The following DHRS2 variants were observed in gnomAD, a reference collection of about 807,000 sequenced individuals.
DHRS2 encodes dehydrogenase/reductase SDR family member 2, mitochondrial.
DHRS2 carries 29 observed loss-of-function variants against 26.3 expected under a neutral mutation model. The observed-to-expected ratio is 1.10, with a 90% CI of 0.82 to 1.50. The LOEUF (loss-of-function observed/expected upper bound fraction) is 1.50. Ranked by LOEUF, DHRS2 falls within the 40% of genes most tolerant of loss-of-function variation. The pLI is 0.00. For synonymous variants in DHRS2, 164 were observed against 151.3 expected (o/e 1.08, Z -0.62); for missense variants, 439 against 367.1 (o/e 1.20, Z -1.60).
chr14:23,637,011 G>A (rs995344464), intron 1 of DHRS2, among the ~76,000 whole-genome samples: 1 of 152,144 alleles, frequency 6.6e-6, no homozygotes, highest in Admixed American at 6.5e-5. Flanking sequence ...GGGCTGAGCT[G>A]AGGGTCAACA....
At chr14:23,641,454 T>C in intron 4 of DHRS2, 1 of 444,018 alleles carries the variant, frequency 2.3e-6, no homozygotes, top group South Asian at 2.1e-5. Flanking sequence ...TCTCTCTTAC[T>C]TTCTAATGGG....
intron 1 of DHRS2, among the ~76,000 whole-genome samples, chr14:23,637,713 C>T (rs927467072): frequency 6.6e-6 from 1 of 152,168 alleles, no homozygotes; most frequent in Non-Finnish European, 1.5e-5. Context: ...GTGCAGCACT[C>T]TATGTCTAGC....
intron 4 of DHRS2, 152 bp from the exon 5 acceptor site, chr14:23,643,000 C>G (rs1890728664): frequency 2.7e-6 from 2 of 736,670 alleles, no homozygotes; most frequent in Non-Finnish European, 4.7e-6. Flanking sequence ...TTGGAAATAC[C>G]TCTTGCACCA....
chr14:23,638,766 G>A lies in DHRS2; in HGVS notation c.-38-61G>A, dbSNP rs538189123. ...TTGTCTGTCTGGAGGAAGGAGGAGGGTAGATTACCTTCATGCTCACTGAGG... is the reference window on the plus strand; with the variant it reads ...TTGTCTGTCTGGAGGAAGGAGGAGGATAGATTACCTTCATGCTCACTGAGG... On this transcript the variant is annotated intron_variant, in intron 1 of 8. Transcript: ENST00000250383. 28 of 1,506,444 alleles carry A rather than the reference G, an allele frequency of 1.9e-5. No homozygotes were observed. The South Asian group carries it at 2.6e-4, about 14-fold the overall frequency. The allele number at this position is 1,506,444 out of a possible 1,614,324, so 93.3% of individuals were successfully genotyped here. A position where few individuals can be genotyped will look rare whatever the true frequency, so the allele number is the denominator to read the frequency against.
chr14:23,644,396 A>G lies in DHRS2; in HGVS notation c.541-13A>G, dbSNP rs188339582. The G allele has an allele frequency of 6.2e-7, 1 of 1,613,930 alleles. No homozygotes were observed. Among genetic ancestry groups the G allele is most frequent in the African/African-American group, 1.3e-5 (1 of 75,016 alleles). ...CTCCCATATCCTAATCACTCTGTCA[A>G]TTCCCTTCCCAGGCGCTGGGTGTCT... On this transcript the variant is annotated splice_polypyrimidine_tract_variant and intron_variant, in intron 6 of 8. Transcript: ENST00000250383.
rs150296458 is a variant in DHRS2, at chr14:23,637,879, C to T, written c.-38-948C>T. ...TCTCTATAAAACAGACCAATCAGCT[C>T]TCTGTAAAATGGACCAATCAGCAGG... On this transcript the variant is annotated intron_variant, in intron 1 of 8. Coordinates refer to ENST00000250383, the MANE Select transcript of DHRS2 (RefSeq NM_005794.4). Among the ~76,000 whole-genome samples, 1,412 of 152,246 alleles carry T rather than the reference C, an allele frequency of 9.3e-3. 13 individuals carry two copies. Among genetic ancestry groups the T allele is most frequent in the Non-Finnish European group, 0.014 (969 of 68,004 alleles).
At chr14:23,644,611 A>G in intron 7 of DHRS2, 68 bp downstream of exon 7, 2 of 1,609,374 alleles carry the variant, frequency 1.2e-6, no homozygotes, top group Non-Finnish European at 1.7e-6. Context: ...TGAATAAGGG[A>G]TCAAGGGGTG....
chr14:23,637,117 C>T (rs1890344508), intron 1 of DHRS2, among the ~76,000 whole-genome samples: 1 of 152,184 alleles, frequency 6.6e-6, no homozygotes, highest in African/African-American at 2.4e-5. Flanking sequence ...CCAAGTGAGA[C>T]TCACCTATCT....
intron 4 of DHRS2, chr14:23,642,025 C>G: frequency 9.0e-7 from 1 of 1,109,312 alleles, no homozygotes; most frequent in Non-Finnish European, 1.1e-6. Flanking sequence ...TTTCACTTCT[C>G]CCCCGTTCCC....
At position 23,644,863 on chromosome 14, in the gene DHRS2, G is replaced by A; in HGVS notation, c.712G>A (p.Glu238Lys). ...TGAGTCTCTCTGGAAGAACTTCAAG[G>A]AACATCATCAGCTGCAGAGGCAAGT... ...GNESLWKNFK[E>K]HHQLQRIGES... Residue 238 changes from glutamate to lysine, a missense_variant, in exon 8 of 9, where the codon GAA (glutamate) becomes AAA (lysine). Coordinates refer to ENST00000250383, the MANE Select transcript of DHRS2 (RefSeq NM_005794.4). 6.2e-7 allele frequency: 1 copy of A among 1,614,164 alleles called. No homozygotes were observed. The highest frequency in any genetic ancestry group is 8.5e-7 in the Non-Finnish European group (1 of 1,180,030).
In DHRS2 at chr14:23,639,694, G is replaced by A. The variant is rs530023655; in HGVS notation, c.319-100G>A. ...ACACCTAGGTCATTTTCCTTTAGGA[G>A]CTCTGCAAGCTTTGCCTGAAGGCCT... On this transcript the variant is annotated intron_variant, in intron 3 of 8. Coordinates refer to ENST00000250383, the MANE Select transcript of DHRS2 (RefSeq NM_005794.4). The A allele has an allele frequency of 3.8e-4, 499 of 1,300,004 alleles. 4 individuals carry two copies. In the South Asian group the frequency reaches 7.8e-3, roughly 20 times the overall value. 80.5% of individuals were successfully genotyped at this position (1,300,004 alleles called of 1,614,324 possible). A position where few individuals can be genotyped will look rare whatever the true frequency, so the allele number is the denominator to read the frequency against.
upstream of DHRS2, among the ~76,000 whole-genome samples, chr14:23,635,353 C>G (rs1307205688): frequency 6.6e-6 from 1 of 152,158 alleles, no homozygotes; most frequent in Non-Finnish European, 1.5e-5. Context: ...CGTGCCTGGC[C>G]TCAGTTAGTT....
intron 4 of DHRS2, chr14:23,641,682 C>G: frequency 7.8e-7 from 1 of 1,289,828 alleles, no homozygotes; most frequent in Non-Finnish European, 1.0e-6. Context: ...CAGGGTGGTA[C>G]CCACTTCTGA....
At chr14:23,641,890 C>A (rs1328336143) in intron 4 of DHRS2, 1 of 1,212,898 alleles carries the variant, frequency 8.2e-7, no homozygotes, top group Non-Finnish European at 1.0e-6. Context: ...CCTAGAGATG[C>A]AGGATGCAGC....
At chr14:23,643,291 C>A in intron 5 of DHRS2, 72 bp downstream of exon 5, 1 of 1,397,090 alleles carries the variant, frequency 7.2e-7, no homozygotes, top group South Asian at 1.2e-5. Flanking sequence ...CAGTCGGTAG[C>A]ACAGCCAGTA....
intron 3 of DHRS2, 86 bp from the exon 4 acceptor site, chr14:23,639,708 G>A: frequency 7.2e-7 from 1 of 1,394,310 alleles, no homozygotes; most frequent in Non-Finnish European, 9.6e-7. Context: ...TGCAAGCTTT[G>A]CCTGAAGGCC....
Position 23,639,796 on chromosome 14 carries a change from C to A in DHRS2, c.321C>A (p.Ala107=). The A allele has an allele frequency of 6.2e-7, 1 of 1,606,236 alleles. No homozygotes were observed. Among genetic ancestry groups the A allele is most frequent in the Non-Finnish European group, 8.5e-7 (1 of 1,175,952 alleles). Reference sequence around the variant, plus strand: ...CTCATCCAATCTCCTCTCCGCAGGCCCTGGAGCACTGTGGGGGCGTCGACT... The same window carrying A: ...CTCATCCAATCTCCTCTCCGCAGGCACTGGAGCACTGTGGGGGCGTCGACT... ...AEDREQLVAK[A]LEHCGGVDFL... is the part of the protein sequence containing the mutation. Residue 107 remains alanine, a splice_region_variant and synonymous_variant, in exon 4 of 9, where the codon GCC becomes GCA. Coordinates refer to ENST00000250383, the MANE Select transcript of DHRS2 (RefSeq NM_005794.4).
At chr14:23,637,826 A>G (rs775143477) in intron 1 of DHRS2, among the ~76,000 whole-genome samples, 63 of 152,296 alleles carry the variant, frequency 4.1e-4, no homozygotes, top group Admixed American at 9.8e-4. Context: ...CACAGCAATC[A>G]GCACTCTGTC....
intron 5 of DHRS2, chr14:23,643,454 C>T (rs1221076275): frequency 3.8e-6 from 2 of 531,494 alleles, no homozygotes; most frequent in Non-Finnish European, 6.8e-6. Context: ...GCCTTGACAT[C>T]AGCAGGTTTG....
Sources: allele counts gnomAD v4.1 joint callset (sites outside exome capture counted in the v4.1 genomes callset), GRCh38; gene constraint gnomAD v4.1.1; transcripts MANE v1.5; gene names NCBI Gene and HGNC (gene_info 2026-07-23, HGNC 2026-07-21).